The following PTPN13 variants were observed in gnomAD, a reference collection of about 807,000 sequenced individuals.
The protein encoded by PTPN13 is tyrosine-protein phosphatase non-receptor type 13.
PTPN13 carries 191 observed loss-of-function variants against 284.0 expected under a neutral mutation model. The ratio of observed to expected loss-of-function variants is 0.67; its 90% CI spans 0.60 to 0.76. The LOEUF (loss-of-function observed/expected upper bound fraction) is 0.76, where lower values mean the gene tolerates loss of function less well. PTPN13 is among the 30% of genes least tolerant of loss of function. The probability of loss-of-function intolerance (pLI) is 0.00; values close to 1 mark genes in which losing one functional copy is unlikely to be tolerated. For synonymous variants in PTPN13, 986 were observed against 1,022.3 expected, an observed-to-expected ratio of 0.96 and a Z score of 0.68; for missense variants, 2,797 against 2,939.9, an observed-to-expected ratio of 0.95 and a Z score of 1.12.
At chr4:86,624,486 C>T (rs1721609770) in intron 1 of PTPN13, among the ~76,000 whole-genome samples, 1 of 152,162 alleles carries the variant, frequency 6.6e-6, no homozygotes, top group Admixed American at 6.5e-5. Flanking sequence ...CTTAAAAGGG[C>T]ACCACTCAAA....
intron 46 of PTPN13, among the ~76,000 whole-genome samples, chr4:86,810,439 A>G (rs948830089): frequency 2.7e-5 from 4 of 147,286 alleles, no homozygotes; most frequent in Non-Finnish European, 4.5e-5. Flanking sequence ...TAGTTTCTAA[A>G]CAATTACTCT....
Position 86,689,093 on chromosome 4 carries a change from T to G in PTPN13, c.449T>G (p.Leu150Arg). Residue 150 changes from leucine to arginine, a missense_variant, in exon 5 of 48, where the codon CTG becomes CGG. Transcript: ENST00000411767. ...GCTCGAGTTTCTGTTCGGACTGTGC[T>G]GGATGCTTGCAGTGCCCACATTAGG... Reference protein sequence around the residue: ...IYARVSVRTVLDACSAHIRNS... With the variant: ...IYARVSVRTVRDACSAHIRNS... 1 of 1,606,930 alleles carries G rather than the reference T, an allele frequency of 6.2e-7. No homozygotes were observed. Among genetic ancestry groups the G allele is most frequent in the Non-Finnish European group, 8.5e-7 (1 of 1,173,450 alleles).
At chr4:86,724,650 G>A (rs1734032148) in intron 10 of PTPN13, among the ~76,000 whole-genome samples, 1 of 152,090 alleles carries the variant, frequency 6.6e-6, no homozygotes, top group Admixed American at 6.5e-5. Context: ...AGGCTGAAAA[G>A]GGTAATGGGG....
At chr4:86,699,274 T>G (rs530010282) in intron 6 of PTPN13, among the ~76,000 whole-genome samples, 1 of 151,956 alleles carries the variant, frequency 6.6e-6, no homozygotes, top group Admixed American at 6.5e-5. Context: ...TGGTCCCAAC[T>G]ACTCGGGAGG....
intron 43 of PTPN13, 87 bp from the exon 44 acceptor site, chr4:86,805,192 A>G (rs1744518006): frequency 7.9e-6 from 6 of 759,948 alleles, no homozygotes; most frequent in Admixed American, 2.9e-5. Context: ...TAATCAACCA[A>G]TTTTGCCCCT....
At chr4:86,647,722 T>C (rs2148791074) in intron 2 of PTPN13, among the ~76,000 whole-genome samples, 1 of 152,084 alleles carries the variant, frequency 6.6e-6, no homozygotes, top group East Asian at 1.9e-4. Flanking sequence ...GTTATTAAGG[T>C]GGGGCCTAAT....
At chr4:86,632,052 A>ATCCATCCTTCCTTCCT (rs1554295900) in intron 1 of PTPN13, among the ~76,000 whole-genome samples, 2 of 151,948 alleles carry the variant, frequency 1.3e-5, no homozygotes, top group East Asian at 1.9e-4. Flanking sequence ...TTGTCCTTCC[A>ATCCATCCTTCCTTCCT]TCCTTCCTTA....
At position 86,782,636 on chromosome 4, in the gene PTPN13, T is replaced by C. The variant is rs1741450271; in HGVS notation, c.6024+374T>C. ...GTTCCTTTGGGCTATTTTTGGCGAG[T>C]AGTAACCTTCAAGTTCAAATCTGTG... On this transcript the variant is annotated intron_variant, in intron 37 of 47. Transcript: ENST00000411767. 3.3e-5 allele frequency among the ~76,000 whole-genome samples: 5 copies of C among 152,060 alleles called. No individual in the cohort carries two copies. In the South Asian group the frequency reaches 8.3e-4, roughly 25 times the overall value.
chr4:86,692,441 A>G (rs1730126480), intron 5 of PTPN13, among the ~76,000 whole-genome samples: 1 of 152,220 alleles, frequency 6.6e-6, no homozygotes, highest in Admixed American at 6.5e-5. Context: ...AAAATTCACT[A>G]ATGGAGCAAT....
Position 86,770,004 on chromosome 4 carries a change from G to C in PTPN13, c.4704+21G>C, listed in dbSNP as rs1207642216. The C allele has an allele frequency of 3.1e-6, 5 of 1,612,958 alleles. No homozygotes were observed. The South Asian group carries it at 3.3e-5, about 11-fold the overall frequency. On this transcript the variant is annotated intron_variant, in intron 29 of 47. Transcript: ENST00000411767. ...AGCAGGTGAGCCCCTAGCATGTGGA[G>C]TATAGCATTTTTAATGATGAGATGG...
intron 9 of PTPN13, among the ~76,000 whole-genome samples, chr4:86,717,438 C>T (rs1733163362): frequency 6.6e-6 from 1 of 152,136 alleles, no homozygotes; most frequent in South Asian, 2.1e-4. Context: ...ATCCACCCGC[C>T]TCAGCCTCCC....
chr4:86,650,496 G>T (rs555035127), intron 2 of PTPN13, among the ~76,000 whole-genome samples: 1 of 152,200 alleles, frequency 6.6e-6, no homozygotes, highest in African/African-American at 2.4e-5. Context: ...TGTTTGCAGA[G>T]AAGGGGTTTC....
Position 86,684,796 on chromosome 4 carries a change from A to G in PTPN13, c.295-1914A>G, listed in dbSNP as rs543960109. Reference sequence around the variant, plus strand: ...AAGGATGCTGCAAAACGAAACAACAACAACAAAAGCACATGGCAAGAATTC... The same window carrying G: ...AAGGATGCTGCAAAACGAAACAACAGCAACAAAAGCACATGGCAAGAATTC... On this transcript the variant is annotated intron_variant, in intron 3 of 47. Coordinates refer to ENST00000411767, the MANE Select transcript of PTPN13 (RefSeq NM_080683.3). Among the ~76,000 whole-genome samples the G allele has an allele frequency of 7.8e-4, 119 of 152,342 alleles. 1 individual carries two copies. Among genetic ancestry groups the G allele is most frequent in the African/African-American group, 2.6e-3 (109 of 41,584 alleles).
At chr4:86,762,097 C>T (rs1738764804) in intron 23 of PTPN13, among the ~76,000 whole-genome samples, 1 of 152,136 alleles carries the variant, frequency 6.6e-6, no homozygotes, top group South Asian at 2.1e-4. Context: ...CTCAGCCTCC[C>T]GAGCAGCTGG....
At chr4:86,729,564 G>T (rs575669977) in intron 10 of PTPN13, among the ~76,000 whole-genome samples, 1 of 149,310 alleles carries the variant, frequency 6.7e-6, no homozygotes, top group East Asian at 1.9e-4. Context: ...CTCTAATCTT[G>T]TCTTCTCGCT....
intron 2 of PTPN13, among the ~76,000 whole-genome samples, chr4:86,661,788 C>T (rs1252968973): frequency 6.6e-6 from 1 of 152,118 alleles, no homozygotes; most frequent in African/African-American, 2.4e-5. Flanking sequence ...AAAATGAAAT[C>T]AATGCCAGTC....
intron 1 of PTPN13, among the ~76,000 whole-genome samples, chr4:86,629,615 A>C (rs562795232): frequency 6.6e-6 from 1 of 152,144 alleles, no homozygotes; most frequent in African/African-American, 2.4e-5. Flanking sequence ...ATTTGTTTTC[A>C]TATCTACAAA....
At chr4:86,786,154 A>C (rs1369497686) in intron 40 of PTPN13, among the ~76,000 whole-genome samples, 1 of 152,192 alleles carries the variant, frequency 6.6e-6, no homozygotes, top group East Asian at 1.9e-4. Context: ...AATAGAAAAA[A>C]AAACAATTAG....
intron 9 of PTPN13, among the ~76,000 whole-genome samples, chr4:86,718,631 A>G (rs1370159562): frequency 1.3e-5 from 2 of 151,990 alleles, no homozygotes; most frequent in African/African-American, 4.8e-5. Flanking sequence ...TTGTATATTC[A>G]GTAGAGGTGG....
Sources: allele counts gnomAD v4.1 joint callset (sites outside exome capture counted in the v4.1 genomes callset), GRCh38; gene constraint gnomAD v4.1.1; transcripts MANE v1.5; gene names NCBI Gene and HGNC (gene_info 2026-07-23, HGNC 2026-07-21).